The following BACE2 variants were observed in gnomAD, a reference collection of about 807,000 sequenced individuals.
The protein encoded by BACE2 is beta-secretase 2, also known as 56 kDa aspartic-like protease.
In BACE2, 17 loss-of-function variants were observed where a neutral mutation model predicts 46.2. The ratio of observed to expected loss-of-function variants is 0.37; its 90% CI spans 0.25 to 0.55. The LOEUF is 0.55. Ranked by LOEUF, BACE2 falls within the 20% of genes least tolerant of loss-of-function variation. The pLI, the probability that BACE2 is intolerant of heterozygous loss-of-function variation, is 0.82. For synonymous variants in BACE2, 277 were observed against 295.9 expected (o/e 0.94, Z 0.66); for missense variants, 595 against 698.1 (o/e 0.85, Z 1.66).
At chr21:41,231,368 G>A (rs895050674) in intron 2 of BACE2, among the ~76,000 whole-genome samples, 2 of 152,306 alleles carry the variant, frequency 1.3e-5, no homozygotes, top group Non-Finnish European at 2.9e-5. Context: ...CCTGGGCCAG[G>A]ACAGTAAGCC....
At chr21:41,235,850 TAATA>T (rs535173163) in intron 2 of BACE2, among the ~76,000 whole-genome samples, 94 of 139,780 alleles carry the variant, frequency 6.7e-4, no homozygotes, top group African/African-American at 2.4e-3. Flanking sequence ...TTAAAAGAAA[TAATA>T]AATGAATGAA....
chr21:41,181,754 G>T (rs1400162030), intron 1 of BACE2: 4 of 167,098 alleles, frequency 2.4e-5, no homozygotes, highest in Non-Finnish European at 5.9e-5. Flanking sequence ...TGGGTATTTT[G>T]GGGTGCTATG....
chr21:41,259,075 A>G (rs1235485931), intron 8 of BACE2, among the ~76,000 whole-genome samples: 2 of 152,240 alleles, frequency 1.3e-5, no homozygotes, highest in African/African-American at 4.8e-5. Context: ...CTATGGCAAC[A>G]GCTGTTAGAG....
chr21:41,277,706 G>A lies in BACE2; in HGVS notation c.*2082G>A, dbSNP rs1294313287. ...CTTCTGTTCCGTTGTATTGTGTTAG[G>A]TTTCAGAGGCGGGGAGCTTCCTCCT... On this transcript the variant is annotated 3_prime_UTR_variant, in exon 9 of 9. Coordinates refer to ENST00000330333, the MANE Select transcript of BACE2 (RefSeq NM_012105.5). 3 of 152,330 alleles carry A rather than the reference G, an allele frequency of 2.0e-5. No homozygotes were observed. In the East Asian group the frequency reaches 5.8e-4, roughly 29 times the overall value. The allele number at this position is 152,330 out of a possible 1,614,324, so 9.4% of individuals were successfully genotyped here. A position where few individuals can be genotyped will look rare whatever the true frequency, so the allele number is the denominator to read the frequency against.
intron 1 of BACE2, among the ~76,000 whole-genome samples, chr21:41,218,710 A>G (rs972095528): frequency 2.6e-5 from 4 of 152,222 alleles, no homozygotes; most frequent in Non-Finnish European, 5.9e-5. Context: ...CAGATGATAA[A>G]TAAAAAATAT....
At chr21:41,189,715 T>C (rs1039627168) in intron 1 of BACE2, among the ~76,000 whole-genome samples, 1 of 152,222 alleles carries the variant, frequency 6.6e-6, no homozygotes. Context: ...AGACAAGGTA[T>C]AGAAAATATT....
chr21:41,254,959 G>A (rs537236721), intron 7 of BACE2, among the ~76,000 whole-genome samples: 5 of 152,232 alleles, frequency 3.3e-5, no homozygotes, highest in East Asian at 3.8e-4. Flanking sequence ...CCCAAGAGAC[G>A]AGGACAGTGA....
intron 4 of BACE2, 59 bp downstream of exon 4, chr21:41,242,006 C>G (rs1987308244): frequency 6.3e-7 from 1 of 1,595,804 alleles, no homozygotes; most frequent in African/African-American, 1.4e-5. Flanking sequence ...CTGTTTTTTT[C>G]TGTTTTATTA....
intron 3 of BACE2, among the ~76,000 whole-genome samples, chr21:41,241,146 C>T (rs547848282): frequency 4.9e-4 from 75 of 152,280 alleles, no homozygotes; most frequent in Admixed American, 1.5e-3. Flanking sequence ...CTTTGAGTCT[C>T]TCTGGAGAAA....
At chr21:41,273,035 G>A (rs1025312150) in intron 8 of BACE2, among the ~76,000 whole-genome samples, 6 of 152,118 alleles carry the variant, frequency 3.9e-5, no homozygotes, top group East Asian at 1.9e-4. Context: ...ATCACATGTC[G>A]GCAGGTTCGT....
intron 1 of BACE2, among the ~76,000 whole-genome samples, chr21:41,173,991 C>A (rs954539020): frequency 2.6e-5 from 4 of 151,912 alleles, no homozygotes; most frequent in African/African-American, 9.7e-5. Flanking sequence ...TGCTTCCCCC[C>A]ATACTTCCCG....
rs117308180 is a variant in BACE2, at chr21:41,232,576, G to C, written c.402-4937G>C. On this transcript the variant is annotated intron_variant, in intron 2 of 8. Coordinates refer to ENST00000330333, the MANE Select transcript of BACE2 (RefSeq NM_012105.5). ...TGAATGGCTTGTTGCTCTCATCAAG[G>C]TGATGAGTGAGTTCTTGCTCCGTTA... 1.6e-4 allele frequency among the ~76,000 whole-genome samples: 24 copies of C among 152,254 alleles called. No individual in the cohort carries two copies. The East Asian group carries it at 4.4e-3, about 28-fold the overall frequency.
At chr21:41,215,681 G>A (rs1035645148) in intron 1 of BACE2, among the ~76,000 whole-genome samples, 3 of 152,182 alleles carry the variant, frequency 2.0e-5, no homozygotes, top group African/African-American at 7.2e-5. Flanking sequence ...GGGAACAGGG[G>A]CGGGGACGTC....
At chr21:41,246,096 T>G in intron 6 of BACE2, 33 bp downstream of exon 6, 6 of 1,543,672 alleles carry the variant, frequency 3.9e-6, no homozygotes, top group Non-Finnish European at 5.3e-6. Flanking sequence ...GGTCCCCGAG[T>G]TGCTGAGTTA....
At chr21:41,218,529 A>G (rs1986544074) in intron 1 of BACE2, among the ~76,000 whole-genome samples, 1 of 152,038 alleles carries the variant, frequency 6.6e-6, no homozygotes, top group Non-Finnish European at 1.5e-5. Flanking sequence ...GAAGGAGAGA[A>G]CCTCTTTCCT....
intron 3 of BACE2, among the ~76,000 whole-genome samples, chr21:41,240,535 G>A (rs111536018): frequency 6.6e-6 from 1 of 152,232 alleles, no homozygotes; most frequent in Non-Finnish European, 1.5e-5. Context: ...GTTTCACAGG[G>A]AAGGAAGCAA....
chr21:41,196,072 G>T (rs1985721096), intron 1 of BACE2, among the ~76,000 whole-genome samples: 1 of 152,040 alleles, frequency 6.6e-6, no homozygotes, highest in Non-Finnish European at 1.5e-5. Context: ...ATCACTTGAG[G>T]TCAGGAGTTT....
chr21:41,279,785 G>C lies in BACE2; in HGVS notation c.*4161G>C, dbSNP rs959542524. ...GAGAGACTGTGGCTGGGTGGCCCGGGTGTTGCCCACGCGGAGCAAGGATTG... is the reference window on the plus strand; with the variant it reads ...GAGAGACTGTGGCTGGGTGGCCCGGCTGTTGCCCACGCGGAGCAAGGATTG... On this transcript the variant is annotated 3_prime_UTR_variant, in exon 9 of 9. Coordinates refer to ENST00000330333, the MANE Select transcript of BACE2 (RefSeq NM_012105.5). 6.6e-6 allele frequency: 1 copy of C among 152,372 alleles called. No individual in the cohort carries two copies. Among genetic ancestry groups the C allele is most frequent in the African/African-American group, 2.4e-5 (1 of 41,430 alleles). The allele number at this position is 152,372 out of a possible 1,614,324, so 9.4% of individuals were successfully genotyped here.
intron 1 of BACE2, among the ~76,000 whole-genome samples, chr21:41,195,795 A>G (rs1985712608): frequency 1.3e-5 from 2 of 152,242 alleles, no homozygotes; most frequent in South Asian, 4.1e-4. Context: ...ATGTATGACC[A>G]CAAAGCTTTT....
Sources: allele counts gnomAD v4.1 joint callset (sites outside exome capture counted in the v4.1 genomes callset), GRCh38; gene constraint gnomAD v4.1.1; transcripts MANE v1.5; gene names NCBI Gene and HGNC (gene_info 2026-07-23, HGNC 2026-07-21).